ARB2A: variants seen among roughly 807,000 people sequenced by gnomAD.
The protein encoded by ARB2A is ARB2 cotranscriptional regulator A.
At chr5:93,662,841 G>A in the ARB2A span, among the ~76,000 whole-genome samples, 1 of 152,188 alleles carries the variant, frequency 6.6e-6, no homozygotes, top group African/African-American at 2.4e-5. Flanking sequence ...AAATAGCTGA[G>A]ACTGAGTAAT....
chr5:93,975,241 C>T, the ARB2A span, among the ~76,000 whole-genome samples: 19 of 148,510 alleles, frequency 1.3e-4, no homozygotes, highest in Middle Eastern at 3.5e-3. Flanking sequence ...CCTGTGAACC[C>T]GGGAGGCGGA....
the ARB2A span, chr5:93,776,319 T>C: frequency 2.6e-6 from 3 of 1,166,310 alleles, no homozygotes; most frequent in South Asian, 4.6e-5. Flanking sequence ...GTTTAATTTA[T>C]CCTATAAAAT....
At chr5:94,013,885 T>C in the ARB2A span, among the ~76,000 whole-genome samples, 1 of 152,110 alleles carries the variant, frequency 6.6e-6, no homozygotes, top group Non-Finnish European at 1.5e-5. Flanking sequence ...GAATTGGACT[T>C]CTATTTCTGT....
chr5:93,745,841 T>C, the ARB2A span, among the ~76,000 whole-genome samples: 1 of 151,870 alleles, frequency 6.6e-6, no homozygotes, highest in Non-Finnish European at 1.5e-5. Flanking sequence ...CCAGGCATTC[T>C]GGTGTAAAGG....
At chr5:93,656,230 A>G in the ARB2A span, among the ~76,000 whole-genome samples, 1 of 152,230 alleles carries the variant, frequency 6.6e-6, no homozygotes, top group Admixed American at 6.5e-5. Flanking sequence ...AGAGAAAAGA[A>G]TACACTGTTA....
the ARB2A span, among the ~76,000 whole-genome samples, chr5:93,767,055 G>C: frequency 7.3e-6 from 1 of 137,612 alleles, no homozygotes; most frequent in African/African-American, 2.6e-5. Context: ...GGGGGGAGGG[G>C]GGAGGGATAG....
At chr5:93,699,542 A>G in the ARB2A span, among the ~76,000 whole-genome samples, 1 of 152,164 alleles carries the variant, frequency 6.6e-6, no homozygotes, top group African/African-American at 2.4e-5. Context: ...GACAGTTTCG[A>G]TAAGTGGAGA....
the ARB2A span, among the ~76,000 whole-genome samples, chr5:93,785,016 AT>A: frequency 2.0e-5 from 3 of 152,268 alleles, no homozygotes; most frequent in East Asian, 5.8e-4. Context: ...CCACAAAGAT[AT>A]TTTTCATTCA....
chr5:93,642,564 G>A, the ARB2A span, among the ~76,000 whole-genome samples: 1,820 of 152,192 alleles, frequency 0.012, 46 homozygotes, highest in African/African-American at 0.042. Flanking sequence ...GTAGAGACAG[G>A]TTTTTGCCAT....
At chr5:93,880,707 T>G in the ARB2A span, among the ~76,000 whole-genome samples, 1 of 151,650 alleles carries the variant, frequency 6.6e-6, no homozygotes, top group South Asian at 2.1e-4. Flanking sequence ...ATGTCAACAT[T>G]CTGAATATGT....
At chr5:93,836,841 A>G in the ARB2A span, among the ~76,000 whole-genome samples, 137,925 of 152,196 alleles carry the variant, frequency 0.91, 62,946 homozygotes, top group East Asian at 1. Flanking sequence ...TTGGACCTTG[A>G]AAAATGGCAA....
the ARB2A span, among the ~76,000 whole-genome samples, chr5:94,020,800 C>T: frequency 6.6e-6 from 1 of 152,290 alleles, no homozygotes; most frequent in African/African-American, 2.4e-5. Context: ...TTATGATCCA[C>T]ATTTAGATAA....
At chr5:93,970,030 C>A in the ARB2A span, among the ~76,000 whole-genome samples, 6 of 151,972 alleles carry the variant, frequency 3.9e-5, no homozygotes, top group African/African-American at 1.4e-4. Flanking sequence ...TATTTTATTA[C>A]CAGATATTCA....
At chr5:93,940,767 T>C in the ARB2A span, among the ~76,000 whole-genome samples, 1 of 152,096 alleles carries the variant, frequency 6.6e-6, no homozygotes, top group African/African-American at 2.4e-5. Context: ...AATTTAAGCC[T>C]ACAGTGTAAA....
At chr5:93,834,191 T>C in the ARB2A span, among the ~76,000 whole-genome samples, 2 of 152,212 alleles carry the variant, frequency 1.3e-5, no homozygotes, top group Non-Finnish European at 2.9e-5. Context: ...TAAGTGATAG[T>C]TGAAAGTTTG....
the ARB2A span, chr5:93,881,505 G>A: frequency 6.2e-7 from 1 of 1,610,508 alleles, no homozygotes; most frequent in Non-Finnish European, 8.5e-7. Flanking sequence ...TTTTCTCTTT[G>A]GGGGTTACGA....
chr5:93,697,723 A>T, the ARB2A span, among the ~76,000 whole-genome samples: 1 of 152,162 alleles, frequency 6.6e-6, no homozygotes, highest in Non-Finnish European at 1.5e-5. Context: ...TTACGAGCGC[A>T]ATGTTGTGTT....
the ARB2A span, among the ~76,000 whole-genome samples, chr5:93,680,518 T>G: frequency 6.6e-6 from 1 of 152,134 alleles, no homozygotes; most frequent in Non-Finnish European, 1.5e-5. Flanking sequence ...AACATAATTC[T>G]TGGAATTCAT....
At chr5:93,865,960 G>C in the ARB2A span, 22 of 985,172 alleles carry the variant, frequency 2.2e-5, no homozygotes, top group Non-Finnish European at 2.7e-5. Context: ...ACAACTCCAG[G>C]GGTTGCTAGT....
Sources: gnomAD v4.1 joint callset for allele counts (sites outside exome capture counted in the v4.1 genomes callset) on GRCh38, gnomAD v4.1.1 for gene constraint, MANE v1.5 for transcripts, NCBI Gene and HGNC (gene_info 2026-07-23, HGNC 2026-07-21) for gene names.